Variants in SLC1A6 observed in about 807,000 individuals in gnomAD.
SLC1A6 encodes the protein solute carrier family 1 member 6, also known as excitatory amino acid transporter 4.
A neutral mutation model predicts 42.1 loss-of-function variants in SLC1A6; 15 were observed. That is an observed-to-expected ratio of 0.36 (90% CI 0.24 to 0.55). SLC1A6 has a LOEUF of 0.55. Ranked by LOEUF, SLC1A6 falls within the 20% of genes least tolerant of loss-of-function variation. The pLI is 0.88. For missense variants in SLC1A6, 542 were observed against 772.5 expected (o/e 0.70, Z 3.54); for synonymous variants, 317 against 319.7 (o/e 0.99, Z 0.09).
chr19:15,004,539 CAAA>C (rs148218390), intron 1 of SLC1A6, among the ~76,000 whole-genome samples: 2 of 120,498 alleles, frequency 1.7e-5, no homozygotes, highest in African/African-American at 3.2e-5. Flanking sequence ...CTCACCTCTA[CAAA>C]AAAAAAAAAA....
At chr19:15,008,333 G>A (rs549579175) in intron 1 of SLC1A6, among the ~76,000 whole-genome samples, 4 of 151,866 alleles carry the variant, frequency 2.6e-5, no homozygotes, top group Non-Finnish European at 5.9e-5. Context: ...CCACAAAGTG[G>A]GGCTCAGTCT....
chr19:14,989,074 C>T lies in SLC1A6; in HGVS notation c.7-16157G>A, dbSNP rs149045359. On this transcript the variant is annotated intron_variant, in intron 1 of 8. Transcript: ENST00000430939. ...AATGTTCTCACAAATGGGAGCTAAA[C>T]GATGGGTACCCATGGTTTTACAGAC... 3.9e-3 allele frequency among the ~76,000 whole-genome samples: 586 copies of T among 152,130 alleles called. 4 individuals carry two copies. The highest frequency in any genetic ancestry group is 8.9e-3 in the South Asian group (43 of 4,816).
chr19:14,951,837 CAG>C lies in SLC1A6; in HGVS notation c.1499+1089_1499+1090del, dbSNP rs376919003. Among the ~76,000 whole-genome samples, 58 of 150,566 alleles carry C rather than the reference CAG, an allele frequency of 3.9e-4. 1 individual carries two copies. Among genetic ancestry groups the C allele is most frequent in the Middle Eastern group, 7.0e-3 (2 of 284 alleles). ...CCGGCCTGTTTTTGTGTTTTTGAAA[CAG>C]AGTGTTGCTCTGTCACACAGGCTGG... On this transcript the variant is annotated intron_variant, in intron 9 of 9. Transcript: ENST00000594383.
chr19:14,982,887 A>G (rs2045774904), upstream of SLC1A6, among the ~76,000 whole-genome samples: 1 of 152,250 alleles, frequency 6.6e-6, no homozygotes, highest in South Asian at 2.1e-4. Context: ...CTACATGTTA[A>G]CATAAAATAG....
Position 14,962,169 on chromosome 19 carries a change from A to C in SLC1A6, c.768T>G (p.Thr256=), listed in dbSNP as rs2045519896. ...CATTGGCGGAGCCAGGCACGGGTAC[A>C]GTCTCCTCAAAGCTCAGCATCTCCT... is the stretch of plus-strand genomic sequence containing the variant. ...TLQEMLSFEE[T]VPVPGSANGI... Residue 256 remains threonine, a synonymous_variant, in exon 6 of 10, where the codon ACT becomes ACG. Transcript: ENST00000594383. 1 of 1,614,052 alleles carries C rather than the reference A, an allele frequency of 6.2e-7. No homozygotes were observed. Among genetic ancestry groups the C allele is most frequent in the Admixed American group, 1.7e-5 (1 of 59,998 alleles).
At chr19:14,981,820 T>A (rs575505407), upstream of SLC1A6, among the ~76,000 whole-genome samples, 2 of 152,190 alleles carry the variant, frequency 1.3e-5, no homozygotes, top group Non-Finnish European at 2.9e-5. Context: ...TAGAGAGGCA[T>A]CCGATAATCT....
chr19:14,966,555 C>T (rs139567930), intron 4 of SLC1A6, among the ~76,000 whole-genome samples: 1 of 151,958 alleles, frequency 6.6e-6, no homozygotes. Flanking sequence ...AATAAAAAAT[C>T]AAAAATTTAG....
intron 3 of SLC1A6, among the ~76,000 whole-genome samples, chr19:14,970,385 A>C (rs1216894053): frequency 6.6e-6 from 1 of 152,072 alleles, no homozygotes; most frequent in Non-Finnish European, 1.5e-5. Context: ...TTTCTTAATA[A>C]CATTCTATTC....
chr19:14,978,119 C>T (rs889415032), intron 1 of SLC1A6: 1 of 152,218 alleles, frequency 6.6e-6, no homozygotes, highest in Admixed American at 6.6e-5. Flanking sequence ...TTTGGACCTA[C>T]CTCTTGGGTT....
chr19:15,007,329 G>A (rs2045900687), intron 1 of SLC1A6, among the ~76,000 whole-genome samples: 1 of 152,198 alleles, frequency 6.6e-6, no homozygotes, highest in Admixed American at 6.6e-5. Context: ...GAAATGTCCA[G>A]AACAGGCAAA....
At chr19:14,991,319 T>C (rs780351798) in intron 1 of SLC1A6, among the ~76,000 whole-genome samples, 1 of 152,032 alleles carries the variant, frequency 6.6e-6, no homozygotes, top group Non-Finnish European at 1.5e-5. Context: ...CACTGGGAAT[T>C]GTACTCTTTA....
intron 1 of SLC1A6, among the ~76,000 whole-genome samples, chr19:15,000,998 A>G (rs1305308635): frequency 6.6e-6 from 1 of 152,230 alleles, no homozygotes; most frequent in Non-Finnish European, 1.5e-5. Context: ...ACAAACAGAA[A>G]AGATGTTTGA....
intron 1 of SLC1A6, among the ~76,000 whole-genome samples, chr19:14,997,095 T>C (rs2045850985): frequency 6.6e-6 from 1 of 152,158 alleles, no homozygotes; most frequent in Non-Finnish European, 1.5e-5. Context: ...CATATCTCCC[T>C]CACAAGGAAT....
chr19:14,975,820 AC>A (rs2045700255), intron 1 of SLC1A6, among the ~76,000 whole-genome samples: 2 of 116,474 alleles, frequency 1.7e-5, no homozygotes, highest in Admixed American at 9.4e-5. Flanking sequence ...AGGGAAGGGG[AC>A]AAAGGGAAGG....
chr19:15,000,835 C>A (rs1412668946), intron 1 of SLC1A6, among the ~76,000 whole-genome samples: 1 of 152,224 alleles, frequency 6.6e-6, no homozygotes, highest in East Asian at 1.9e-4. Flanking sequence ...ACCTTACTTA[C>A]ATCTGCAATG....
At chr19:14,984,056 T>C (rs1214117997), upstream of SLC1A6, among the ~76,000 whole-genome samples, 1 of 152,126 alleles carries the variant, frequency 6.6e-6, no homozygotes, top group Non-Finnish European at 1.5e-5. Context: ...ATGCCTGTAA[T>C]CTCAGCAGTT....
At chr19:14,982,629 T>C (rs963163644), upstream of SLC1A6, among the ~76,000 whole-genome samples, 1 of 152,210 alleles carries the variant, frequency 6.6e-6, no homozygotes, top group African/African-American at 2.4e-5. Flanking sequence ...GCCATACTAA[T>C]GAAATATATT....
chr19:14,977,202 T>C (rs1277908646), intron 1 of SLC1A6: 1 of 152,178 alleles, frequency 6.6e-6, no homozygotes, highest in Non-Finnish European at 1.5e-5. Context: ...CTCCCGAGGC[T>C]AGAGTTTTGT....
At chr19:14,955,363 T>G (rs1469705786) in intron 7 of SLC1A6, among the ~76,000 whole-genome samples, 1 of 152,036 alleles carries the variant, frequency 6.6e-6, no homozygotes, top group Non-Finnish European at 1.5e-5. Context: ...GCAGATCACT[T>G]GAGCTCAGGA....
Sources: allele counts gnomAD v4.1 joint callset (sites outside exome capture counted in the v4.1 genomes callset), GRCh38; gene constraint gnomAD v4.1.1; transcripts MANE v1.5; gene names NCBI Gene and HGNC (gene_info 2026-07-23, HGNC 2026-07-21).